Variants in NCAPD2 observed in about 807,000 individuals in gnomAD.
NCAPD2 encodes the protein condensin complex subunit 1.
NCAPD2 carries 100 observed loss-of-function variants against 164.5 expected under a neutral mutation model. The observed-to-expected ratio is 0.61, with a 90% CI of 0.52 to 0.72. The LOEUF is 0.72. Among genes scored for constraint, NCAPD2 ranks in the 30% least tolerant of loss-of-function variants. The pLI is 0.00. For missense variants in NCAPD2, 1,560 were observed against 1,749.2 expected, an observed-to-expected ratio of 0.89 and a Z score of 1.93; for synonymous variants, 585 against 642.6, an observed-to-expected ratio of 0.91 and a Z score of 1.36.
Position 6,526,110 on chromosome 12 carries a change from G to A in NCAPD2, c.2391G>A (p.Val797=), listed in dbSNP as rs1946314959. The change falls in exon 19 of 32, where the codon GTG becomes GTA. Residue 797 remains valine (V), a synonymous_variant. Coordinates refer to ENST00000315579, the MANE Select transcript of NCAPD2 (RefSeq NM_014865.4). The part of the protein sequence containing the change: ...EIVGSNLDTL[V]SIGLDEKFPQ... ...TGGGAAGCAATTTAGACACACTGGT[G>A]AGCATAGGGCTGGATGAGAAGTTTC... 3 of 1,614,028 alleles carry A rather than the reference G, an allele frequency of 1.9e-6. No individual in the cohort carries two copies. The highest frequency in any genetic ancestry group is 1.7e-5 in the Admixed American group (1 of 59,996).
intron 6 of NCAPD2, among the ~76,000 whole-genome samples, chr12:6,513,715 C>CTTTTGTTTTTTTTT (rs1946171887): frequency 1.3e-5 from 1 of 74,894 alleles, no homozygotes; most frequent in Non-Finnish European, 2.5e-5. Context: ...GTGACTTTGT[C>CTTTTGTTTTTTTTT]TTTTTTTTTT....
Position 6,529,795 on chromosome 12 carries a change from A to T in NCAPD2, c.3674A>T (p.Asp1225Val), listed in dbSNP as rs1162197971. 6.2e-7 allele frequency: 1 copy of T among 1,613,744 alleles called. No homozygotes were observed. Among genetic ancestry groups the T allele is most frequent in the Non-Finnish European group, 8.5e-7 (1 of 1,179,718 alleles). The change falls in exon 29 of 32, where the codon GAC (aspartate) becomes GTC (valine). Residue 1225 changes from aspartate to valine, a missense_variant. Transcript: ENST00000315579. ...TGCAGAACTGAGCGGCAGCAGCGAG[A>T]CCTGGCCTACTGTGTGTCACAGCTG... The part of the protein sequence containing the change: ...RTSRTERQQR[D>V]LAYCVSQLPL...
At chr12:6,518,516 T>TGTTTTTTTTG (rs1204120574) in intron 13 of NCAPD2, among the ~76,000 whole-genome samples, 2 of 110,402 alleles carry the variant, frequency 1.8e-5, no homozygotes, top group Non-Finnish European at 3.6e-5. Flanking sequence ...TTTTTTTTTT[T>TGTTTTTTTTG]TTTTTTTTTT....
intron 27 of NCAPD2, 35 bp from the exon 28 acceptor site, chr12:6,529,477 TG>T: frequency 6.3e-7 from 1 of 1,590,560 alleles, no homozygotes; most frequent in Non-Finnish European, 8.6e-7. Flanking sequence ...GAGCTGGCCC[TG>T]GGCCATCGAA....
intron 2 of NCAPD2, among the ~76,000 whole-genome samples, chr12:6,499,173 AT>A (rs1288720459): frequency 2.6e-5 from 4 of 152,098 alleles, no homozygotes; most frequent in East Asian, 3.9e-4. Flanking sequence ...ACAACCTACA[AT>A]TTATGAATTG....
intron 6 of NCAPD2, among the ~76,000 whole-genome samples, chr12:6,512,272 C>CAAAAAA (rs35978725): frequency 1.1e-5 from 1 of 87,378 alleles, no homozygotes; most frequent in Non-Finnish European, 2.2e-5. Flanking sequence ...ACTCCATCTC[C>CAAAAAA]AAAAAAAAAA....
chr12:6,495,139 C>T lies in NCAPD2; in HGVS notation c.41C>T (p.Pro14Leu). ...QMYEFHLPLSPEELLKSGGVN... is the reference protein window; with the variant it reads ...QMYEFHLPLSLEELLKSGGVN... ...TATGAGTTCCATCTGCCATTATCCC[C>T]AGAGGAGTTGTTGAAAAGTGGAGGG... The change falls in exon 2 of 32, where the codon CCA (proline) becomes CTA (leucine). Residue 14 changes from proline to leucine, a missense_variant. Physicochemically the swap from Pro to Leu is moderately conservative, Grantham distance 98. Coordinates refer to ENST00000315579, the MANE Select transcript of NCAPD2 (RefSeq NM_014865.4). 6.2e-7 allele frequency: 1 copy of T among 1,614,154 alleles called. No homozygotes were observed. Among genetic ancestry groups the T allele is most frequent in the South Asian group, 1.1e-5 (1 of 91,082 alleles).
intron 2 of NCAPD2, among the ~76,000 whole-genome samples, chr12:6,500,306 T>C (rs2137036538): frequency 6.6e-6 from 1 of 152,262 alleles, no homozygotes; most frequent in South Asian, 2.1e-4. Context: ...GTAGGACCTG[T>C]CATTTCATGT....
intron 2 of NCAPD2, among the ~76,000 whole-genome samples, chr12:6,497,404 A>G (rs904603587): frequency 2.6e-5 from 4 of 151,762 alleles, no homozygotes; most frequent in Admixed American, 2.0e-4. Flanking sequence ...TCACCTGGGT[A>G]TTAAGCCCAG....
intron 8 of NCAPD2, 75 bp downstream of exon 8, chr12:6,514,662 AT>A: frequency 6.2e-7 from 1 of 1,611,186 alleles, no homozygotes; most frequent in Non-Finnish European, 8.5e-7. Context: ...GAAATACATT[AT>A]CTGTGCAACA....
intron 6 of NCAPD2, 27 bp downstream of exon 6, chr12:6,511,279 A>G: frequency 6.2e-7 from 1 of 1,608,258 alleles, no homozygotes; most frequent in Non-Finnish European, 8.5e-7. Context: ...GCTACAGATA[A>G]TACTGAGCTG....
chr12:6,518,244 A>T (rs1322099449), intron 13 of NCAPD2: 1 of 232,452 alleles, frequency 4.3e-6, no homozygotes, highest in African/African-American at 2.3e-5. Context: ...CCTATAAATA[A>T]GTTCTAGTTG....
chr12:6,518,516 T>TTTTTTTTTG (rs1946231008), intron 13 of NCAPD2, among the ~76,000 whole-genome samples: 2 of 110,402 alleles, frequency 1.8e-5, no homozygotes, highest in African/African-American at 3.8e-5. Flanking sequence ...TTTTTTTTTT[T>TTTTTTTTTG]TTTTTTTTTT....
At position 6,528,239 on chromosome 12, in the gene NCAPD2, T is replaced by G. The variant is rs566534807; in HGVS notation, c.3210T>G (p.Ile1070Met). 28 of 1,614,122 alleles carry G rather than the reference T, an allele frequency of 1.7e-5. No homozygotes were observed. The highest frequency in any genetic ancestry group is 2.4e-5 in the Non-Finnish European group (28 of 1,180,032). ...TGCTGGAAAAGTCTCCACTTCCCAT[T>G]GTCCGGTCTAACCTCATGGTTGCCA... Reference protein sequence around the residue: ...FTMLEKSPLPIVRSNLMVATG... With the variant: ...FTMLEKSPLPMVRSNLMVATG... Residue 1070 changes from isoleucine (I) to methionine (M), a missense_variant, in exon 25 of 32, where the codon ATT becomes ATG. Ile to Met is a conservative substitution (Grantham distance 10). Coordinates refer to ENST00000315579, the MANE Select transcript of NCAPD2 (RefSeq NM_014865.4). This position sits in a 1 kb window ranked among gnomAD's most constrained non-coding sequence, Gnocchi z 5.1.
rs920719140 is a variant in NCAPD2 at position 6,521,856 on chromosome 12, A to G, written c.1773A>G (p.Thr591=). 4.3e-6 allele frequency: 7 copies of G among 1,614,184 alleles called. No homozygotes were observed. Among genetic ancestry groups the G allele is most frequent in the South Asian group, 1.1e-5 (1 of 91,080 alleles). ...NPRESTGNMV[T]GQTVCKNKPN... is the part of the protein sequence containing the mutation. Reference sequence around the variant, plus strand: ...GGGAGTCTACAGGAAACATGGTCACAGGACAGACTGTCTGTAAAAATAAAC... The same window carrying G: ...GGGAGTCTACAGGAAACATGGTCACGGGACAGACTGTCTGTAAAAATAAAC... The change falls in exon 15 of 32, where the codon ACA becomes ACG. Residue 591 remains threonine, a synonymous_variant. Coordinates refer to ENST00000315579, the MANE Select transcript of NCAPD2 (RefSeq NM_014865.4).
At position 6,518,511 on chromosome 12, in the gene NCAPD2, T is replaced by TTTTTTTTTG. The variant is rs1565544140; in HGVS notation, c.1589+560_1589+561insGTTTTTTTT. ...CCTTACAGCCGTCAACAAGTTTTTT[T>TTTTTTTTTG]TTTTTTTTTTTTTTTTTTTTTTTGA... On this transcript the variant is annotated intron_variant, in intron 13 of 31. Transcript: ENST00000315579. Among the ~76,000 whole-genome samples, 6 of 99,856 alleles carry TTTTTTTTTG rather than the reference T, an allele frequency of 6.0e-5. 2 individuals carry two copies. Among genetic ancestry groups the TTTTTTTTTG allele is most frequent in the South Asian group, 8.0e-4 (2 of 2,494 alleles). 65.5% of individuals were successfully genotyped at this position (99,856 alleles called of 152,430 possible).
chr12:6,508,014 C>T (rs571525728), intron 2 of NCAPD2, among the ~76,000 whole-genome samples: 4 of 151,914 alleles, frequency 2.6e-5, no homozygotes, highest in Non-Finnish European at 5.9e-5. Context: ...GAGACCCTGT[C>T]GCTACAAAAA....
In NCAPD2 at chr12:6,526,634, A is replaced by G; in HGVS notation, c.2734+19A>G. 1 of 1,605,562 alleles carries G rather than the reference A, an allele frequency of 6.2e-7. No homozygotes were observed. The highest frequency in any genetic ancestry group is 2.2e-5 in the East Asian group (1 of 44,612). The stretch of plus-strand genomic sequence containing the variant: ...GACCCGAGTAAGTGGGCAGGGGTTG[A>G]CCCACTGCGGCAGCCAGCTTCTGTT... On this transcript the variant is annotated intron_variant, in intron 21 of 31. Coordinates refer to ENST00000315579, the MANE Select transcript of NCAPD2 (RefSeq NM_014865.4).
At chr12:6,527,719 G>A in intron 22 of NCAPD2, 58 bp from the exon 23 acceptor site, 1 of 1,506,482 alleles carries the variant, frequency 6.6e-7, no homozygotes. Flanking sequence ...CAAAGTATGG[G>A]CTGGAATCAA....
Sources: gnomAD v4.1 joint callset for allele counts (sites outside exome capture counted in the v4.1 genomes callset) on GRCh38, gnomAD v4.1.1 for gene constraint, Gnocchi (gnomAD v3.1) non-coding constraint, MANE v1.5 for transcripts, NCBI Gene and HGNC (gene_info 2026-07-23, HGNC 2026-07-21) for gene names.